DYSF: variants seen among roughly 807,000 people sequenced by gnomAD.
DYSF encodes dystrophy-associated fer-1-like 1.
DYSF carries 212 observed loss-of-function variants against 274.9 expected under a neutral mutation model. That is an observed-to-expected ratio of 0.77 (90% CI 0.69 to 0.86). The LOEUF is 0.86. Among genes scored for constraint, DYSF ranks in the 40% least tolerant of loss-of-function variants. DYSF has a pLI of 0.00. For missense variants in DYSF, 2,666 were observed against 2,783.2 expected, an observed-to-expected ratio of 0.96 and a Z score of 0.95; for synonymous variants, 1,091 against 1,078.7, an observed-to-expected ratio of 1.01 and a Z score of -0.22.
chr2:71,500,718 A>T (rs987297755), intron 3 of DYSF, among the ~76,000 whole-genome samples: 1 of 151,964 alleles, frequency 6.6e-6, no homozygotes, highest in African/African-American at 2.4e-5. Context: ...CTCAGTCCTG[A>T]GGGCTCCTAA....
chr2:71,670,531 G>T (rs2095101193), intron 51 of DYSF, among the ~76,000 whole-genome samples: 1 of 152,224 alleles, frequency 6.6e-6, no homozygotes. Context: ...AAGGCCCACA[G>T]CCATCACCCT....
intron 45 of DYSF, among the ~76,000 whole-genome samples, chr2:71,663,176 T>C (rs1191156217): frequency 1.3e-5 from 2 of 152,182 alleles, no homozygotes; most frequent in African/African-American, 2.4e-5. Flanking sequence ...AGGGCCCGTC[T>C]CATGTGCCCA....
intron 41 of DYSF, among the ~76,000 whole-genome samples, chr2:71,622,602 ATTGT>A (rs1202045662): frequency 2.0e-5 from 3 of 151,902 alleles, no homozygotes; most frequent in South Asian, 2.1e-4. Context: ...TGTGTCCTTT[ATTGT>A]TTGTTTGTTT....
chr2:71,659,132 T>A, intron 44 of DYSF, 99 bp downstream of exon 44: 1 of 1,520,240 alleles, frequency 6.6e-7, no homozygotes, highest in Non-Finnish European at 9.1e-7. Flanking sequence ...GAGTTCATAG[T>A]AGGTTGGGAA....
chr2:71,454,106 C>T lies in DYSF; in HGVS notation c.88+20C>T, dbSNP rs747986054. 1.9e-6 allele frequency: 3 copies of T among 1,610,592 alleles called. No individual in the cohort carries two copies. The highest frequency in any genetic ancestry group is 1.7e-4 in the Middle Eastern group (1 of 6,054). On this transcript the variant is annotated intron_variant, in intron 1 of 54. Transcript: ENST00000258104. ...TTGCAGGTAGGAGGGGCCGACCACCCTCGCCCGGGGTCGGGGTGGGGTAGA... is the reference window on the plus strand; with the variant it reads ...TTGCAGGTAGGAGGGGCCGACCACCTTCGCCCGGGGTCGGGGTGGGGTAGA...
intron 41 of DYSF, among the ~76,000 whole-genome samples, chr2:71,639,836 C>T (rs1328214548): frequency 1.3e-5 from 2 of 152,150 alleles, no homozygotes; most frequent in African/African-American, 4.8e-5. Context: ...CATCCGTGCC[C>T]CACCAGCAGT....
At chr2:71,471,165 A>G (rs1249281946) in intron 1 of DYSF, among the ~76,000 whole-genome samples, 3 of 152,212 alleles carry the variant, frequency 2.0e-5, no homozygotes, top group Non-Finnish European at 4.4e-5. Context: ...GCCATGAGGC[A>G]AGAGTAAAAA....
intron 1 of DYSF, among the ~76,000 whole-genome samples, chr2:71,474,656 G>A (rs973661583): frequency 6.6e-6 from 1 of 152,176 alleles, no homozygotes; most frequent in African/African-American, 2.4e-5. Flanking sequence ...GCACCCATGA[G>A]TGACCCCTTC....
At chr2:71,553,622 C>T (rs1275851554) in intron 20 of DYSF, among the ~76,000 whole-genome samples, 185 bp from the exon 21 acceptor site, 1 of 152,182 alleles carries the variant, frequency 6.6e-6, no homozygotes, top group Non-Finnish European at 1.5e-5. Flanking sequence ...CGGGCCACTC[C>T]ACGTGTCCAA....
rs555968397 is a variant in DYSF at position 71,667,259 on chromosome 2, C to T, written c.5318-117C>T. ...TGCATCTGTGCTGGGGGTGAGGCTG[C>T]GGGGGTTAGAGCTTCTTATGACTCT... On this transcript the variant is annotated intron_variant, in intron 47 of 55. Coordinates refer to ENST00000410020, the MANE Select transcript of DYSF (RefSeq NM_001130987.2). 236 of 1,457,428 alleles carry T rather than the reference C, an allele frequency of 1.6e-4. 1 individual carries two copies. Among genetic ancestry groups the T allele is most frequent in the South Asian group, 1.1e-3 (94 of 87,472 alleles). The allele number at this position is 1,457,428 out of a possible 1,614,324, so 90.3% of individuals were successfully genotyped here.
chr2:71,553,761 GC>G, intron 20 of DYSF, 45 bp from the exon 21 acceptor site: 1 of 495,874 alleles, frequency 2.0e-6, no homozygotes, highest in South Asian at 2.1e-5. Context: ...CATCCCACCC[GC>G]CCTCCACTCC....
At chr2:71,478,360 A>T (rs779469655) in intron 1 of DYSF, among the ~76,000 whole-genome samples, 14 of 151,962 alleles carry the variant, frequency 9.2e-5, no homozygotes, top group South Asian at 6.2e-4. Flanking sequence ...TACAGGTGCC[A>T]GCCACCATGC....
chr2:71,598,224 G>T (rs980648913), intron 32 of DYSF, among the ~76,000 whole-genome samples: 1 of 152,248 alleles, frequency 6.6e-6, no homozygotes, highest in Non-Finnish European at 1.5e-5. Context: ...CTGGATGAAT[G>T]AATGAATAGA....
At chr2:71,649,069 C>T (rs181344691) in intron 42 of DYSF, among the ~76,000 whole-genome samples, 3 of 140,824 alleles carry the variant, frequency 2.1e-5, no homozygotes, top group East Asian at 4.3e-4. Flanking sequence ...GGTTGTAGTT[C>T]GAGGCTGTAG....
chr2:71,472,481 A>C (rs905645460), intron 1 of DYSF, among the ~76,000 whole-genome samples: 1 of 151,968 alleles, frequency 6.6e-6, no homozygotes, highest in Admixed American at 6.6e-5. Context: ...ATCTCGGCTC[A>C]CTGCAAGCTC....
intron 42 of DYSF, among the ~76,000 whole-genome samples, chr2:71,650,133 G>C (rs1299834629): frequency 6.6e-6 from 1 of 152,192 alleles, no homozygotes; most frequent in African/African-American, 2.4e-5. Flanking sequence ...ACACTGGTTG[G>C]TAGGGGGAGA....
chr2:71,568,878 CTT>C (rs1264084886), intron 26 of DYSF, among the ~76,000 whole-genome samples: 2 of 142,824 alleles, frequency 1.4e-5, no homozygotes, highest in Non-Finnish European at 1.5e-5. Context: ...TATTCTCTCT[CTT>C]TTTTTTTTTT....
At chr2:71,549,717 G>A (rs2090789228) in intron 17 of DYSF, among the ~76,000 whole-genome samples, 1 of 152,126 alleles carries the variant, frequency 6.6e-6, no homozygotes, top group Admixed American at 6.5e-5. Flanking sequence ...GAGTGGGGCA[G>A]GGGGAGTGTG....
upstream of DYSF, among the ~76,000 whole-genome samples, chr2:71,463,046 C>T (rs2081348038): frequency 6.6e-6 from 1 of 152,220 alleles, no homozygotes. Flanking sequence ...TGAGGACCCA[C>T]CCCTTTCTGC....
Sources: gnomAD v4.1 joint callset for allele counts (sites outside exome capture counted in the v4.1 genomes callset) on GRCh38, gnomAD v4.1.1 for gene constraint, MANE v1.5 for transcripts, NCBI Gene and HGNC (gene_info 2026-07-23, HGNC 2026-07-21) for gene names.